The following CSMD1 variants were observed in gnomAD, a reference collection of about 807,000 sequenced individuals.
CSMD1 encodes the protein CUB and sushi domain-containing protein 1.
CSMD1 carries 213 observed loss-of-function variants against 417.5 expected under a neutral mutation model. The observed-to-expected ratio is 0.51, with a 90% CI of 0.46 to 0.57. The LOEUF (loss-of-function observed/expected upper bound fraction) is 0.57, where lower values mean the gene tolerates loss of function less well. Ranked by LOEUF, CSMD1 falls within the 20% of genes least tolerant of loss-of-function variation. The probability of loss-of-function intolerance (pLI) is 0.00; values close to 1 mark genes in which losing one functional copy is unlikely to be tolerated. For missense variants in CSMD1, 6,923 were observed against 4,529.7 expected, an observed-to-expected ratio of 1.53 and a Z score of -15.17; for synonymous variants, 2,862 against 1,736.8, an observed-to-expected ratio of 1.65 and a Z score of -16.11.
intron 49 of CSMD1, among the ~76,000 whole-genome samples, chr8:3,069,161 C>T (rs6558710): frequency 0.086 from 13,043 of 152,046 alleles, 1,870 homozygotes; most frequent in African/African-American, 0.3. Context: ...CTGGGCCGGG[C>T]GCAGTGACTC....
At chr8:3,091,748 A>G in intron 47 of CSMD1, 86 bp from the exon 48 acceptor site, 1 of 1,199,966 alleles carries the variant, frequency 8.3e-7, no homozygotes, top group Non-Finnish European at 1.2e-6. Context: ...ATTACACTGG[A>G]GTCTACGTGT....
chr8:3,654,227 G>C (rs894322305), intron 7 of CSMD1, among the ~76,000 whole-genome samples: 1 of 152,152 alleles, frequency 6.6e-6, no homozygotes, highest in Non-Finnish European at 1.5e-5. Context: ...TGAATTGTAT[G>C]TAAACCTTGG....
At chr8:4,010,990 C>G (rs1023191252) in intron 4 of CSMD1, among the ~76,000 whole-genome samples, 1 of 152,174 alleles carries the variant, frequency 6.6e-6, no homozygotes, top group Non-Finnish European at 1.5e-5. Flanking sequence ...TTCACTGCTC[C>G]CTTTCTGGGG....
Position 3,003,203 on chromosome 8 carries a change from A to G in CSMD1, c.8030-3072T>C, listed in dbSNP as rs142722711. Among the ~76,000 whole-genome samples, 552 of 152,304 alleles carry G rather than the reference A, an allele frequency of 3.6e-3. 4 individuals carry two copies. Among genetic ancestry groups the G allele is most frequent in the African/African-American group, 0.01 (432 of 41,564 alleles). The stretch of plus-strand genomic sequence containing the variant: ...CCCAAATCTTAATGATATTGTGTCA[A>G]TATGTTGAGGAAGGGAAAATTGCAT... On this transcript the variant is annotated intron_variant, in intron 52 of 69. Coordinates refer to ENST00000635120, the MANE Select transcript of CSMD1 (RefSeq NM_033225.6).
At chr8:3,749,917 T>A (rs1019351823) in intron 6 of CSMD1, among the ~76,000 whole-genome samples, 2 of 152,210 alleles carry the variant, frequency 1.3e-5, no homozygotes, top group Non-Finnish European at 2.9e-5. Context: ...GTGTAGCTAC[T>A]CATTTCTGTT....
Position 3,634,740 on chromosome 8 carries a change from G to T in CSMD1, c.1010-17943C>A, listed in dbSNP as rs1163380620. Reference sequence around the variant, plus strand: ...ACTCAGCCTTTCTGGATTGAGCCATGATTAAGGCACACAGTTTGATTGCTT... The same window carrying T: ...ACTCAGCCTTTCTGGATTGAGCCATTATTAAGGCACACAGTTTGATTGCTT... On this transcript the variant is annotated intron_variant, in intron 7 of 69. Coordinates refer to ENST00000635120, the MANE Select transcript of CSMD1 (RefSeq NM_033225.6). 2.0e-5 allele frequency among the ~76,000 whole-genome samples: 3 copies of T among 152,152 alleles called. No individual in the cohort carries two copies. In the East Asian group the frequency reaches 5.8e-4, roughly 29 times the overall value.
At chr8:3,094,155 G>C (rs2129009543) in intron 47 of CSMD1, among the ~76,000 whole-genome samples, 1 of 151,600 alleles carries the variant, frequency 6.6e-6, no homozygotes, top group East Asian at 1.9e-4. Context: ...TTCCAGGCTG[G>C]AGTGCAATGG....
At chr8:4,253,747 T>G (rs1389698081) in intron 3 of CSMD1, among the ~76,000 whole-genome samples, 1 of 149,804 alleles carries the variant, frequency 6.7e-6, no homozygotes, top group East Asian at 2.1e-4. Flanking sequence ...GGTTGTTCAA[T>G]TATATACTTG....
At chr8:4,032,281 A>G (rs1045897758) in intron 3 of CSMD1, among the ~76,000 whole-genome samples, 182 bp from the exon 4 acceptor site, 9 of 152,368 alleles carry the variant, frequency 5.9e-5, no homozygotes, top group South Asian at 2.1e-4. Flanking sequence ...GAATATCTGC[A>G]GTATAACACT....
intron 5 of CSMD1, among the ~76,000 whole-genome samples, chr8:3,759,910 A>G (rs965682928): frequency 1.3e-5 from 2 of 151,050 alleles, no homozygotes; most frequent in African/African-American, 4.9e-5. Flanking sequence ...GTCTCAAAAA[A>G]AAAAAAAAAA....
Position 4,637,398 on chromosome 8 carries a change from ATCT to A in CSMD1, c.243_245del (p.Glu81del). 1.2e-6 allele frequency: 2 copies of A among 1,613,932 alleles called. No homozygotes were observed. The highest frequency in any genetic ancestry group is 1.7e-6 in the Non-Finnish European group (2 of 1,179,878). ...CATCGTAAACTGATAAAATATCAAA[ATCT>A]TCTTCAAGAGCAAAGGTATGGAAGG... On this transcript the variant is annotated inframe_deletion, in exon 2 of 70. Coordinates refer to ENST00000635120, the MANE Select transcript of CSMD1 (RefSeq NM_033225.6).
At chr8:3,248,672 G>T (rs77738100) in intron 26 of CSMD1, among the ~76,000 whole-genome samples, 13,518 of 151,672 alleles carry the variant, frequency 0.089, 806 homozygotes, top group Non-Finnish European at 0.12. Flanking sequence ...TACTTGATTT[G>T]TTTTTATTTC....
intron 11 of CSMD1, among the ~76,000 whole-genome samples, chr8:3,474,976 C>G (rs1430850798): frequency 6.6e-6 from 1 of 151,980 alleles, no homozygotes; most frequent in Non-Finnish European, 1.5e-5. Flanking sequence ...GCCCCCAAGC[C>G]CTGCAGTGTA....
At chr8:4,029,270 G>A (rs965015561) in intron 4 of CSMD1, among the ~76,000 whole-genome samples, 1 of 152,162 alleles carries the variant, frequency 6.6e-6, no homozygotes, top group Non-Finnish European at 1.5e-5. Flanking sequence ...ATATTTGGGG[G>A]ATATAATAAC....
intron 1 of CSMD1, among the ~76,000 whole-genome samples, chr8:4,864,222 TAA>T (rs1347984912): frequency 6.6e-6 from 1 of 151,920 alleles, no homozygotes; most frequent in Non-Finnish European, 1.5e-5. Flanking sequence ...AAGTTGCTAG[TAA>T]AGTGTCCAAA....
At chr8:3,210,623 A>C (rs942143100) in intron 30 of CSMD1, among the ~76,000 whole-genome samples, 1 of 148,456 alleles carries the variant, frequency 6.7e-6, no homozygotes, top group Non-Finnish European at 1.5e-5. Context: ...TATAGACAGG[A>C]ATATATATAT....
At chr8:3,424,060 T>A (rs1813667110) in intron 12 of CSMD1, among the ~76,000 whole-genome samples, 1 of 152,216 alleles carries the variant, frequency 6.6e-6, no homozygotes, top group Non-Finnish European at 1.5e-5. Context: ...CTTTTAAAAA[T>A]TATTTGTTTT....
At chr8:4,344,023 G>C (rs1008165336) in intron 3 of CSMD1, among the ~76,000 whole-genome samples, 3 of 152,156 alleles carry the variant, frequency 2.0e-5, no homozygotes, top group East Asian at 3.9e-4. Flanking sequence ...TTGTGAAATT[G>C]TGAATGTATA....
intron 7 of CSMD1, among the ~76,000 whole-genome samples, chr8:3,636,857 C>T (rs1033839004): frequency 6.6e-6 from 1 of 152,258 alleles, no homozygotes; most frequent in East Asian, 1.9e-4. Context: ...TTCCAAGACT[C>T]ATGTTGAGAT....
Sources: allele counts gnomAD v4.1 joint callset (sites outside exome capture counted in the v4.1 genomes callset), GRCh38; gene constraint gnomAD v4.1.1; transcripts MANE v1.5; gene names NCBI Gene and HGNC (gene_info 2026-07-23, HGNC 2026-07-21).